HGSNAT: variants seen among roughly 807,000 people sequenced by gnomAD.
The protein encoded by HGSNAT is heparan-alpha-glucosaminide N-acetyltransferase, also known as transmembrane protein 76.
A neutral mutation model predicts 85.2 loss-of-function variants in HGSNAT; 59 were observed. The observed-to-expected ratio is 0.69, with a 90% CI of 0.56 to 0.86. The LOEUF is 0.86. Among genes scored for constraint, HGSNAT ranks in the 40% least tolerant of loss-of-function variants. The pLI, the probability that HGSNAT is intolerant of heterozygous loss-of-function variation, is 0.00. For synonymous variants in HGSNAT, 321 were observed against 304.5 expected, an observed-to-expected ratio of 1.05 and a Z score of -0.56; for missense variants, 756 against 777.1, an observed-to-expected ratio of 0.97 and a Z score of 0.32.
At chr8:43,156,358 A>G (rs1357155925) in intron 2 of HGSNAT, among the ~76,000 whole-genome samples, 2 of 152,018 alleles carry the variant, frequency 1.3e-5, no homozygotes, top group East Asian at 1.9e-4. Context: ...CAGGCTGGAG[A>G]GAAGTGGTGT....
rs932162299 is a variant in HGSNAT at position 43,149,699 on chromosome 8, C to CA, written c.234+2650dup. On this transcript the variant is annotated intron_variant, in intron 2 of 17. Transcript: ENST00000379644. ...TGGGCAACAGAGCAAGACTCTGTCT[C>CA]AAAAAAAAAAAAAATTTTTTTTTAA... Among the ~76,000 whole-genome samples the CA allele has an allele frequency of 3.3e-3, 430 of 129,080 alleles. 1 individual carries two copies. The highest frequency in any genetic ancestry group is 9.2e-3 in the African/African-American group (319 of 34,716). 84.7% of individuals were successfully genotyped at this position (129,080 alleles called of 152,430 possible).
chr8:43,168,868 T>C (rs1803518857), intron 5 of HGSNAT, among the ~76,000 whole-genome samples: 1 of 152,182 alleles, frequency 6.6e-6, no homozygotes. Context: ...ATTTTAATAG[T>C]ATTATTAGTG....
At chr8:43,183,460 C>G (rs1228096745) in intron 11 of HGSNAT, among the ~76,000 whole-genome samples, 1 of 151,524 alleles carries the variant, frequency 6.6e-6, no homozygotes, top group Non-Finnish European at 1.5e-5. Context: ...AGTCACCATG[C>G]CTGGCCTCAT....
intron 4 of HGSNAT, 140 bp downstream of exon 4, chr8:43,159,184 C>A: frequency 1.5e-6 from 1 of 663,020 alleles, no homozygotes; most frequent in Non-Finnish European, 2.4e-6. Flanking sequence ...GAGCACCACT[C>A]CCCCCAAAAA....
chr8:43,191,179 T>C (rs968776390), intron 11 of HGSNAT, among the ~76,000 whole-genome samples: 5 of 152,256 alleles, frequency 3.3e-5, no homozygotes, highest in Non-Finnish European at 7.3e-5. Context: ...TCCCCTTTTT[T>C]GCTGTTGTGA....
At chr8:43,196,426 C>A in intron 14 of HGSNAT, 5 of 1,288,288 alleles carry the variant, frequency 3.9e-6, no homozygotes, top group Non-Finnish European at 5.1e-6. Context: ...GTCCCTCTTC[C>A]TAGTGCTGCC....
In HGSNAT at chr8:43,163,339, A is replaced by G. The variant is rs578018055; in HGVS notation, c.563+1832A>G. 1.8e-4 allele frequency among the ~76,000 whole-genome samples: 27 copies of G among 152,232 alleles called. 1 individual carries two copies. The South Asian group carries it at 5.4e-3, about 30-fold the overall frequency. On this transcript the variant is annotated intron_variant, in intron 5 of 17. Transcript: ENST00000379644. Reference sequence around the variant, plus strand: ...CTTCTTGACAAAGCAGGAGTCCCTTATTCCTTGCCCCCTCGCTTTCCAACA... The same window carrying G: ...CTTCTTGACAAAGCAGGAGTCCCTTGTTCCTTGCCCCCTCGCTTTCCAACA...
At chr8:43,149,526 G>A (rs943145587) in intron 2 of HGSNAT, among the ~76,000 whole-genome samples, 3 of 151,988 alleles carry the variant, frequency 2.0e-5, no homozygotes, top group African/African-American at 7.2e-5. Context: ...GTGAAACCCC[G>A]TCTCTACTGA....
At position 43,191,482 on chromosome 8, in the gene HGSNAT, C is replaced by G. The variant is rs779183001; in HGVS notation, c.1137C>G (p.Ser379Arg). ...PVPEHCASER[S>R]CLSLRDITSS... ...TTTCTGCCCCCACTCAGGAGAGGAG[C>G]TGCCTTTCTCTTCGAGACATCACGT... is the stretch of plus-strand genomic sequence containing the variant. Residue 379 changes from serine to arginine, a missense_variant, in exon 12 of 18, where the codon AGC (serine) becomes AGG (arginine). By Grantham distance (110) the Ser-to-Arg change is moderately radical. Transcript: ENST00000379644. 1 of 1,613,600 alleles carries G rather than the reference C, an allele frequency of 6.2e-7. No individual in the cohort carries two copies. The highest frequency in any genetic ancestry group is 1.1e-5 in the South Asian group (1 of 91,088).
intron 5 of HGSNAT, among the ~76,000 whole-genome samples, chr8:43,166,025 T>G (rs1423610044): frequency 6.6e-6 from 1 of 152,222 alleles, no homozygotes. Context: ...GATCAAACTA[T>G]TCCCTTAAGC....
intron 2 of HGSNAT, among the ~76,000 whole-genome samples, chr8:43,151,074 C>T (rs1802901714): frequency 1.3e-5 from 2 of 152,082 alleles, no homozygotes; most frequent in South Asian, 4.1e-4. Flanking sequence ...AATAAAAAGG[C>T]ACCAAATTTA....
At chr8:43,158,453 G>T in intron 2 of HGSNAT, 122 bp from the exon 3 acceptor site, 3 of 1,002,482 alleles carry the variant, frequency 3.0e-6, no homozygotes, top group Non-Finnish European at 4.5e-6. Flanking sequence ...AAATGTAGAG[G>T]TTTTTTTATA....
rs1804914946 is a variant in HGSNAT, at chr8:43,201,450, A to G, written c.*1881A>G. 6.6e-6 allele frequency: 1 copy of G among 151,090 alleles called. No individual in the cohort carries two copies. Among genetic ancestry groups the G allele is most frequent in the Admixed American group, 6.6e-5 (1 of 15,168 alleles). The allele number at this position is 151,090 out of a possible 1,614,324, so 9.4% of individuals were successfully genotyped here. A position where few individuals can be genotyped will look rare whatever the true frequency, so the allele number is the denominator to read the frequency against. On this transcript the variant is annotated 3_prime_UTR_variant, in exon 18 of 18. Coordinates refer to ENST00000379644, the MANE Select transcript of HGSNAT (RefSeq NM_152419.3). This position sits in a 1 kb window ranked among gnomAD's most constrained non-coding sequence, Gnocchi z 4.4. ...GGGCTTCTCCTGCCTCCATCACATC[A>G]CAGAAGTACCTCCTGCTTCTGGTTT...
intron 2 of HGSNAT, among the ~76,000 whole-genome samples, chr8:43,149,670 A>G (rs1802835836): frequency 6.6e-6 from 1 of 151,964 alleles, no homozygotes; most frequent in Non-Finnish European, 1.5e-5. Flanking sequence ...ACTGTACTCC[A>G]GCCTGGGCAA....
chr8:43,188,109 C>T (rs954930348), intron 11 of HGSNAT, among the ~76,000 whole-genome samples: 26 of 152,118 alleles, frequency 1.7e-4, no homozygotes, highest in Admixed American at 1.7e-3. Flanking sequence ...GTGAATCTGA[C>T]AATTATGTGT....
At chr8:43,195,459 C>T (rs1804673061) in intron 14 of HGSNAT, among the ~76,000 whole-genome samples, 1 of 151,160 alleles carries the variant, frequency 6.6e-6, no homozygotes, top group African/African-American at 2.4e-5. Context: ...TCTTCATCAT[C>T]TTCATGTTGA....
intron 11 of HGSNAT, among the ~76,000 whole-genome samples, chr8:43,190,956 C>T (rs981885129): frequency 1.3e-5 from 2 of 152,152 alleles, no homozygotes; most frequent in African/African-American, 2.4e-5. Context: ...TACTTGTTGT[C>T]TCTACACATG....
intron 1 of HGSNAT, among the ~76,000 whole-genome samples, chr8:43,140,832 G>C (rs1802498966): frequency 6.6e-6 from 1 of 152,100 alleles, no homozygotes; most frequent in Non-Finnish European, 1.5e-5. Flanking sequence ...GGGGGAGGGG[G>C]CGGTTCGGAC....
chr8:43,170,540 C>T (rs1269092989), intron 6 of HGSNAT, 45 bp from the exon 7 acceptor site: 2 of 1,328,528 alleles, frequency 1.5e-6, no homozygotes, highest in Non-Finnish European at 2.1e-6. Context: ...TGAAATTTAC[C>T]CCTTAGCATT....
Sources: gnomAD v4.1 joint callset for allele counts (sites outside exome capture counted in the v4.1 genomes callset) on GRCh38, gnomAD v4.1.1 for gene constraint, Gnocchi (gnomAD v3.1) non-coding constraint, MANE v1.5 for transcripts, NCBI Gene and HGNC (gene_info 2026-07-23, HGNC 2026-07-21) for gene names.